MCM3AP: variants seen among roughly 807,000 people sequenced by gnomAD.
The protein encoded by MCM3AP is minichromosome maintenance complex component 3 associated protein, also known as germinal-center associated nuclear protein.
MCM3AP carries 126 observed loss-of-function variants against 184.1 expected under a neutral mutation model. The ratio of observed to expected loss-of-function variants is 0.68; its 90% CI spans 0.59 to 0.79. The LOEUF is 0.79. MCM3AP is among the 30% of genes least tolerant of loss of function. The pLI is 0.00. For synonymous variants in MCM3AP, 1,002 were observed against 979.3 expected, an observed-to-expected ratio of 1.02 and a Z score of -0.43; for missense variants, 2,496 against 2,479.2, an observed-to-expected ratio of 1.01 and a Z score of -0.14.
chr21:46,273,626 C>A (rs750482332), intron 6 of MCM3AP, 41 bp from the exon 7 acceptor site: 1 of 1,560,026 alleles, frequency 6.4e-7, no homozygotes, highest in Non-Finnish European at 8.8e-7. Context: ...ATGTGGCATA[C>A]CTTGGGCCAG....
In MCM3AP at chr21:46,265,958, C is replaced by T. The variant is rs779913783; in HGVS notation, c.2998G>A (p.Val1000Ile). 38 of 1,596,424 alleles carry T rather than the reference C, an allele frequency of 2.4e-5. No homozygotes were observed. Among genetic ancestry groups the T allele is most frequent in the South Asian group, 3.4e-5 (3 of 86,974 alleles). ...IGESLAAELP[V>I]STQRPGSDTV... ...TCGGAGCCGGGTCTCTGGGTGCTGA[C>T]GGGCAGCTCCGCGGCCAGGCTCTCC... The change falls in exon 11 of 28, where the codon GTC (valine) becomes ATC (isoleucine). Residue 1000 changes from valine to isoleucine, a missense_variant. Val to Ile is a conservative substitution (Grantham distance 29). Transcript: ENST00000291688.
At chr21:46,275,987 C>T (rs1188562194) in intron 5 of MCM3AP, among the ~76,000 whole-genome samples, 2 of 152,178 alleles carry the variant, frequency 1.3e-5, no homozygotes, top group African/African-American at 4.8e-5. Flanking sequence ...CCTGGTGGCT[C>T]ACGCCTGTAA....
At position 46,284,457 on chromosome 21, in the gene MCM3AP, GCTT is replaced by G; in HGVS notation, c.827_829del (p.Glu276del). 1 of 1,614,156 alleles carries G rather than the reference GCTT, an allele frequency of 6.2e-7. No individual in the cohort carries two copies. Among genetic ancestry groups the G allele is most frequent in the Non-Finnish European group, 8.5e-7 (1 of 1,180,026 alleles). On this transcript the variant is annotated inframe_deletion, in exon 1 of 28. Transcript: ENST00000291688. The stretch of plus-strand genomic sequence containing the variant: ...GGGAAGTGGTTCCACCTGGGAAACA[GCTT>G]CTTCACACCCCTGCCTGACACCTGC...
rs780672309 is a variant in MCM3AP at position 46,235,361 on chromosome 21, T to G, written c.5850A>C (p.Leu1950=). ...EATGTCLGER[L]KHLERLIRSS... ...TCCGGATCAGCCTTTCCAGGTGCTT[T>G]AGTCGTTCGCCTAGACACGTTCCTG... Residue 1950 remains leucine (L), a synonymous_variant, in exon 28 of 28, where the codon CTA becomes CTC. Coordinates refer to ENST00000291688, the MANE Select transcript of MCM3AP (RefSeq NM_003906.5). The G allele has an allele frequency of 3.1e-6, 5 of 1,614,070 alleles. No homozygotes were observed. In the Admixed American group the frequency reaches 8.3e-5, roughly 27 times the overall value.
intron 19 of MCM3AP, chr21:46,252,827 C>G (rs866987257): frequency 6.6e-6 from 1 of 151,846 alleles, no homozygotes; most frequent in Middle Eastern, 3.2e-3. Context: ...ATGTGAATAA[C>G]ATTTCAATAA....
chr21:46,270,042 T>C (rs545469329), intron 9 of MCM3AP, among the ~76,000 whole-genome samples: 2 of 152,310 alleles, frequency 1.3e-5, no homozygotes, highest in African/African-American at 4.8e-5. Flanking sequence ...AAACTTCGAT[T>C]TAAAACATGA....
At chr21:46,283,580 T>C (rs771730005) in intron 2 of MCM3AP, 35 bp downstream of exon 2, 1 of 1,447,784 alleles carries the variant, frequency 6.9e-7, no homozygotes, top group Non-Finnish European at 9.7e-7. Flanking sequence ...AAGGTTCAAA[T>C]CTAGGGTAAC....
At chr21:46,270,698 G>A (rs2081167987) in intron 8 of MCM3AP, 135 bp from the exon 9 acceptor site, 1 of 727,408 alleles carries the variant, frequency 1.4e-6, no homozygotes, top group African/African-American at 1.8e-5. Context: ...CAAAACGTGG[G>A]GAGGCCAAGG....
At chr21:46,255,448 G>A (rs766739864) in intron 17 of MCM3AP, among the ~76,000 whole-genome samples, 2 of 152,084 alleles carry the variant, frequency 1.3e-5, no homozygotes, top group South Asian at 2.1e-4. Context: ...CTGAGGACAC[G>A]ATTGGGGCCC....
intron 20 of MCM3AP, among the ~76,000 whole-genome samples, chr21:46,249,029 G>A (rs1218088686): frequency 1.3e-5 from 2 of 152,272 alleles, no homozygotes; most frequent in East Asian, 3.9e-4. Context: ...GCCCTGCACA[G>A]TGAGTGAAGC....
At chr21:46,283,269 T>A (rs1461233403) in intron 2 of MCM3AP, among the ~76,000 whole-genome samples, 1 of 152,190 alleles carries the variant, frequency 6.6e-6, no homozygotes, top group Non-Finnish European at 1.5e-5. Context: ...AGCGATCATC[T>A]TCTATGACCA....
intron 15 of MCM3AP, chr21:46,259,301 A>ATG: frequency 2.6e-6 from 1 of 384,038 alleles, no homozygotes; most frequent in East Asian, 5.3e-5. Flanking sequence ...TAAAAATACA[A>ATG]AAAAATTAGC....
intron 12 of MCM3AP, among the ~76,000 whole-genome samples, chr21:46,265,043 A>G (rs1052584426): frequency 6.6e-6 from 1 of 152,370 alleles, no homozygotes; most frequent in East Asian, 1.9e-4. Context: ...GGGGGCGCAC[A>G]ATGCTGCCAA....
intron 22 of MCM3AP, among the ~76,000 whole-genome samples, chr21:46,245,713 G>A (rs901587756): frequency 6.6e-6 from 1 of 152,064 alleles, no homozygotes; most frequent in East Asian, 1.9e-4. Context: ...TGGCCAGGCT[G>A]GTCTCAAACT....
chr21:46,251,611 G>C lies in MCM3AP; in HGVS notation c.4208C>G (p.Ala1403Gly), dbSNP rs1278335588. 6.2e-7 allele frequency: 1 copy of C among 1,611,818 alleles called. No homozygotes were observed. The highest frequency in any genetic ancestry group is 8.5e-7 in the Non-Finnish European group (1 of 1,178,028). Residue 1403 changes from alanine (A) to glycine (G), a missense_variant, in exon 20 of 28, where the codon GCT becomes GGT. By Grantham distance (60) the Ala-to-Gly change is moderately conservative (BLOSUM62 0). Transcript: ENST00000291688. ...AAGCGAAAGCGTCTGAATCCCACCA[G>C]CATCGCTGGATGTGTCATCCACTGA... Reference protein sequence around the residue: ...EGSVDDTSSDAGGIQTLSLFN... With the variant: ...EGSVDDTSSDGGGIQTLSLFN...
intron 20 of MCM3AP, among the ~76,000 whole-genome samples, chr21:46,248,334 T>C (rs2080810561): frequency 6.6e-6 from 1 of 151,818 alleles, no homozygotes; most frequent in African/African-American, 2.4e-5. Context: ...GCCAAACCAC[T>C]CCCAACCCTA....
intron 9 of MCM3AP, 121 bp from the exon 10 acceptor site, chr21:46,267,263 AC>A: frequency 1.1e-6 from 1 of 909,930 alleles, no homozygotes; most frequent in Non-Finnish European, 1.7e-6. Context: ...GGCTGAGTCC[AC>A]CAGAAGGCGC....
At position 46,235,193 on chromosome 21, in the gene MCM3AP, C is replaced by A; in HGVS notation, c.*75G>T. The A allele has an allele frequency of 1.4e-6, 2 of 1,432,678 alleles. No individual in the cohort carries two copies. Among genetic ancestry groups the A allele is most frequent in the Non-Finnish European group, 1.9e-6 (2 of 1,027,582 alleles). The allele number at this position is 1,432,678 out of a possible 1,614,324, so 88.7% of individuals were successfully genotyped here. A position where few individuals can be genotyped will look rare whatever the true frequency, so the allele number is the denominator to read the frequency against. ...ATCACATTTCCAACAGTGCATCAAG[C>A]ATCTGAGAATAACATTATTTTGAGT... On this transcript the variant is annotated 3_prime_UTR_variant, in exon 28 of 28. Transcript: ENST00000291688.
intron 20 of MCM3AP, 72 bp from the exon 21 acceptor site, chr21:46,246,958 G>A (rs1601494884): frequency 6.6e-7 from 1 of 1,518,992 alleles, no homozygotes; most frequent in Non-Finnish European, 9.0e-7. Flanking sequence ...CTGCCCCAGA[G>A]CAAGTGCAGC....
Sources: gnomAD v4.1 joint callset for allele counts (sites outside exome capture counted in the v4.1 genomes callset) on GRCh38, gnomAD v4.1.1 for gene constraint, MANE v1.5 for transcripts, NCBI Gene and HGNC (gene_info 2026-07-23, HGNC 2026-07-21) for gene names.